LNX1: variants seen among roughly 807,000 people sequenced by gnomAD.
The protein encoded by LNX1 is ligand of numb-protein X 1.
A neutral mutation model predicts 68.4 loss-of-function variants in LNX1; 54 were observed. That is an observed-to-expected ratio of 0.79 (90% CI 0.63 to 0.99). The LOEUF (loss-of-function observed/expected upper bound fraction) is 0.99. Among genes scored for constraint, LNX1 ranks in the 50% least tolerant of loss-of-function variants. The pLI is 0.00. For missense variants in LNX1, 906 were observed against 926.4 expected (o/e 0.98, Z 0.29); for synonymous variants, 336 against 350.0 (o/e 0.96, Z 0.45).
intron 2 of LNX1, among the ~76,000 whole-genome samples, chr4:53,554,556 T>C (rs1729756623): frequency 6.6e-6 from 1 of 152,186 alleles, no homozygotes. Context: ...ATGATACATG[T>C]TTTAAAATAA....
intron 9 of LNX1, among the ~76,000 whole-genome samples, chr4:53,468,729 A>G (rs548929457): frequency 3.3e-5 from 5 of 152,348 alleles, no homozygotes; most frequent in Admixed American, 1.3e-4. Context: ...AACAAAGATC[A>G]AAAGAGACAA....
At chr4:53,472,493 A>G (rs1560614318) in intron 9 of LNX1, among the ~76,000 whole-genome samples, 1 of 152,130 alleles carries the variant, frequency 6.6e-6, no homozygotes, top group Non-Finnish European at 1.5e-5. Context: ...ATAATAAAAA[A>G]AAGAAGAAGA....
At chr4:53,609,305 A>C (rs1733374118) in intron 2 of LNX1, among the ~76,000 whole-genome samples, 1 of 151,978 alleles carries the variant, frequency 6.6e-6, no homozygotes, top group South Asian at 2.1e-4. Flanking sequence ...AAAGAGAAAA[A>C]AGTGTTTAAG....
chr4:53,595,107 T>A (rs1732691311), upstream of LNX1, among the ~76,000 whole-genome samples: 1 of 152,108 alleles, frequency 6.6e-6, no homozygotes, highest in African/African-American at 2.4e-5. Flanking sequence ...GAATATTTCA[T>A]GAAGAAAGGA....
intron 2 of LNX1, among the ~76,000 whole-genome samples, chr4:53,509,337 T>C (rs1181090433): frequency 1.3e-5 from 2 of 152,228 alleles, no homozygotes; most frequent in Non-Finnish European, 2.9e-5. Flanking sequence ...CTATTTTAAA[T>C]AGCCCTTTGA....
intron 1 of LNX1, among the ~76,000 whole-genome samples, chr4:53,651,147 G>A (rs1203879887): frequency 6.6e-5 from 10 of 152,092 alleles, no homozygotes; most frequent in African/African-American, 1.7e-4. Flanking sequence ...CTCTCCCCTC[G>A]GCTCTGCCAC....
intron 9 of LNX1, 108 bp from the exon 10 acceptor site, chr4:53,461,701 G>A: frequency 1.2e-6 from 1 of 804,836 alleles, no homozygotes; most frequent in Non-Finnish European, 2.0e-6. Context: ...TAATGGCTAA[G>A]TACCACTGCA....
At chr4:53,619,887 C>T (rs1204784573), upstream of LNX1, among the ~76,000 whole-genome samples, 1 of 152,166 alleles carries the variant, frequency 6.6e-6, no homozygotes, top group Admixed American at 6.5e-5. Context: ...TATTATGTCT[C>T]TTTTTAATTA....
chr4:53,630,817 A>C (rs1734239473), intron 1 of LNX1, among the ~76,000 whole-genome samples: 1 of 152,246 alleles, frequency 6.6e-6, no homozygotes, highest in Admixed American at 6.5e-5. Context: ...GCAATGATTC[A>C]GAATTTGCTA....
chr4:53,534,517 T>C (rs1156869879), intron 2 of LNX1, among the ~76,000 whole-genome samples: 2 of 152,090 alleles, frequency 1.3e-5, no homozygotes, highest in African/African-American at 4.8e-5. Context: ...GAGGACATGC[T>C]TGTAGGCCCA....
chr4:53,459,551 CTGTT>C lies in LNX1; in HGVS notation c.*1352_*1355del, dbSNP rs779132227. 20 of 1,521,970 alleles carry C rather than the reference CTGTT, an allele frequency of 1.3e-5. No homozygotes were observed. The African/African-American group carries it at 1.5e-4, about 12-fold the overall frequency. 94.3% of individuals were successfully genotyped at this position (1,521,970 alleles called of 1,614,324 possible). A position where few individuals can be genotyped will look rare whatever the true frequency, so the allele number is the denominator to read the frequency against. On this transcript the variant is annotated 3_prime_UTR_variant, in exon 11 of 11. Coordinates refer to ENST00000263925, the MANE Select transcript of LNX1 (RefSeq NM_001126328.3). Reference sequence around the variant, plus strand: ...TAAGAAATTTACCTTAAATCTTGTTCTGTTTGTTAGTATGAAAAGTTAACTTTTT... The same window carrying C: ...TAAGAAATTTACCTTAAATCTTGTTCTGTTAGTATGAAAAGTTAACTTTTT...
In LNX1 at chr4:53,642,050, C is replaced by T. The variant is rs1017171625; in HGVS notation, c.-215+10118G>A. On this transcript the variant is annotated intron_variant, in intron 1 of 2. Transcript: ENST00000507168. ...AGTCTGGGCAACATAGTGGAGAACT[C>T]ATCTCTACAAAAAATAAAAACATCA... Among the ~76,000 whole-genome samples the T allele has an allele frequency of 4.6e-5, 7 of 151,694 alleles. No individual in the cohort carries two copies. In the East Asian group the frequency reaches 5.8e-4, roughly 13 times the overall value.
chr4:53,618,692 T>A (rs1044507673), upstream of LNX1, among the ~76,000 whole-genome samples: 34 of 152,208 alleles, frequency 2.2e-4, no homozygotes, highest in African/African-American at 8.2e-4. Context: ...GCAAGCCACA[T>A]ACAGAGGTTT....
At chr4:53,599,269 G>T (rs1372747908) in intron 2 of LNX1, among the ~76,000 whole-genome samples, 1 of 152,140 alleles carries the variant, frequency 6.6e-6, no homozygotes, top group Non-Finnish European at 1.5e-5. Context: ...AAAACAGGTT[G>T]CAGTAAAGAA....
intron 2 of LNX1, among the ~76,000 whole-genome samples, chr4:53,532,964 G>A (rs1451008198): frequency 3.9e-5 from 6 of 152,180 alleles, no homozygotes; most frequent in South Asian, 2.1e-4. Flanking sequence ...CAAAGATCCC[G>A]TCAGGGGAGC....
chr4:53,482,904 T>C (rs991266441), intron 6 of LNX1, among the ~76,000 whole-genome samples: 2 of 152,226 alleles, frequency 1.3e-5, no homozygotes, highest in Admixed American at 6.5e-5. Flanking sequence ...GATTTCTTTA[T>C]TTTTTATGGA....
At chr4:53,486,121 A>T (rs1281417941) in intron 6 of LNX1, among the ~76,000 whole-genome samples, 2 of 152,148 alleles carry the variant, frequency 1.3e-5, no homozygotes, top group Non-Finnish European at 2.9e-5. Flanking sequence ...CAACCTGCAT[A>T]GCTTGACTGC....
chr4:53,592,824 T>A (rs1298934181), upstream of LNX1: 2 of 152,194 alleles, frequency 1.3e-5, no homozygotes, highest in African/African-American at 4.8e-5. Flanking sequence ...CTCAGCTGGC[T>A]GCAGTCAGTC....
At chr4:53,500,505 G>A (rs1725395401) in intron 4 of LNX1, 1 of 152,144 alleles carries the variant, frequency 6.6e-6, no homozygotes, top group Admixed American at 6.6e-5. Flanking sequence ...AGTTCCTTGT[G>A]AGCATTTTCA....
Sources: allele counts gnomAD v4.1 joint callset (sites outside exome capture counted in the v4.1 genomes callset), GRCh38; gene constraint gnomAD v4.1.1; transcripts MANE v1.5; gene names NCBI Gene and HGNC (gene_info 2026-07-23, HGNC 2026-07-21).